MAF: variants seen among roughly 807,000 people sequenced by gnomAD.
MAF encodes MAF bZIP transcription factor, also known as transcription factor Maf.
In MAF, 10 loss-of-function variants were observed where a neutral mutation model predicts 22.0. The observed-to-expected ratio is 0.45, with a 90% confidence interval of 0.28 to 0.77. The LOEUF (loss-of-function observed/expected upper bound fraction) is 0.77. Ranked by LOEUF, MAF falls within the 30% of genes least tolerant of loss-of-function variation. The pLI is 0.12. For missense variants in MAF, 544 were observed against 548.4 expected, an observed-to-expected ratio of 0.99 and a Z score of 0.08; for synonymous variants, 337 against 255.8, an observed-to-expected ratio of 1.32 and a Z score of -3.03.
At chr16:79,257,164 G>A in the MAF span, among the ~76,000 whole-genome samples, 3 of 151,934 alleles carry the variant, frequency 2.0e-5, no homozygotes, top group African/African-American at 7.3e-5. Context: ...GTGACACAGC[G>A]AAATTCCACT....
At chr16:79,505,960 A>G in the MAF span, among the ~76,000 whole-genome samples, 1 of 152,092 alleles carries the variant, frequency 6.6e-6, no homozygotes. Flanking sequence ...AGAAAGAAAG[A>G]AAGAAAATAG....
chr16:79,507,778 T>C, the MAF span, among the ~76,000 whole-genome samples: 1 of 152,224 alleles, frequency 6.6e-6, no homozygotes, highest in Non-Finnish European at 1.5e-5. Flanking sequence ...AATGAACTGA[T>C]AAGCATGTAA....
At chr16:79,506,788 G>C in the MAF span, among the ~76,000 whole-genome samples, 2 of 152,208 alleles carry the variant, frequency 1.3e-5, no homozygotes, top group African/African-American at 4.8e-5. Flanking sequence ...CACTGAAGGA[G>C]TGAAGAAGAG....
the MAF span, among the ~76,000 whole-genome samples, chr16:79,351,916 C>G: frequency 4.6e-5 from 7 of 152,044 alleles, no homozygotes; most frequent in African/African-American, 1.7e-4. Context: ...GCAATGACAC[C>G]GAAAAAGCCA....
the MAF span, among the ~76,000 whole-genome samples, chr16:79,254,913 C>A: frequency 1.3e-5 from 2 of 152,214 alleles, no homozygotes; most frequent in African/African-American, 2.4e-5. Flanking sequence ...AGCCTAACTT[C>A]TTTGTTTTAA....
At chr16:79,513,258 C>T in the MAF span, among the ~76,000 whole-genome samples, 4 of 152,336 alleles carry the variant, frequency 2.6e-5, no homozygotes, top group African/African-American at 9.6e-5. Flanking sequence ...TCGCAGTAGA[C>T]GGAACAGGTT....
At chr16:79,561,525 T>C in the MAF span, among the ~76,000 whole-genome samples, 1 of 148,512 alleles carries the variant, frequency 6.7e-6, no homozygotes, top group Admixed American at 6.7e-5. Context: ...GCCCACGTGT[T>C]CTCATTGTTA....
chr16:79,571,807 T>G, the MAF span, among the ~76,000 whole-genome samples: 1 of 152,152 alleles, frequency 6.6e-6, no homozygotes. Flanking sequence ...CTGGAAATGC[T>G]TTTCAGCCAC....
the MAF span, among the ~76,000 whole-genome samples, chr16:79,549,165 A>T: frequency 2.6e-5 from 4 of 152,320 alleles, no homozygotes; most frequent in East Asian, 5.8e-4. Flanking sequence ...TCAAAGGATG[A>T]TGGTGACGAG....
chr16:79,459,069 C>T, the MAF span, among the ~76,000 whole-genome samples: 1 of 152,130 alleles, frequency 6.6e-6, no homozygotes, highest in Non-Finnish European at 1.5e-5. Flanking sequence ...TTCATGTATG[C>T]AATCTCATCT....
At chr16:79,433,384 T>C in the MAF span, among the ~76,000 whole-genome samples, 1 of 151,602 alleles carries the variant, frequency 6.6e-6, no homozygotes, top group Non-Finnish European at 1.5e-5. Context: ...CAATGAAAAC[T>C]ATATAACTGA....
the MAF span, among the ~76,000 whole-genome samples, chr16:79,319,220 C>T: frequency 6.6e-6 from 1 of 152,072 alleles, no homozygotes; most frequent in Non-Finnish European, 1.5e-5. Flanking sequence ...CTTCTATGTC[C>T]AGGTTGAAGC....
At chr16:79,338,974 C>T in the MAF span, among the ~76,000 whole-genome samples, 2 of 152,034 alleles carry the variant, frequency 1.3e-5, no homozygotes, top group African/African-American at 2.4e-5. Context: ...CCAGGGATGG[C>T]CATATGACTA....
the MAF span, among the ~76,000 whole-genome samples, chr16:79,426,878 G>A: frequency 6.6e-6 from 1 of 152,196 alleles, no homozygotes; most frequent in African/African-American, 2.4e-5. Context: ...CCACAATGAA[G>A]CTGACATAAA....
At chr16:79,455,343 T>C in the MAF span, among the ~76,000 whole-genome samples, 1 of 152,158 alleles carries the variant, frequency 6.6e-6, no homozygotes. Context: ...AAAACGATGC[T>C]CTTTGATTTA....
the MAF span, among the ~76,000 whole-genome samples, chr16:79,444,023 C>A: frequency 1.3e-5 from 2 of 151,952 alleles, no homozygotes; most frequent in African/African-American, 4.8e-5. Flanking sequence ...TACGTACACA[C>A]ACAAATATAT....
At position 79,593,991 on chromosome 16, in the gene MAF, G is replaced by C. The variant is rs1913345187; in HGVS notation, c.*469C>G. 2 of 216,070 alleles carry C rather than the reference G, an allele frequency of 9.3e-6. No homozygotes were observed. Among genetic ancestry groups the C allele is most frequent in the South Asian group, 1.5e-4 (1 of 6,806 alleles). The allele number at this position is 216,070 out of a possible 1,614,324, so 13.4% of individuals were successfully genotyped here. ...GGCTCCGCTGGAGCCTCTGCCCGTG[G>C]ATTTGTTTAGGGAAGGGGAGTCGAA... is the stretch of plus-strand genomic sequence containing the variant. On this transcript the variant is annotated 3_prime_UTR_variant, in exon 2 of 2. Transcript: ENST00000326043.
At chr16:79,432,718 C>T in the MAF span, among the ~76,000 whole-genome samples, 2 of 152,180 alleles carry the variant, frequency 1.3e-5, no homozygotes, top group South Asian at 2.1e-4. Context: ...ATGATGTCCT[C>T]ATAAAAAGTG....
chr16:79,230,782 A>G, the MAF span, among the ~76,000 whole-genome samples: 1 of 152,092 alleles, frequency 6.6e-6, no homozygotes, highest in Admixed American at 6.6e-5. Flanking sequence ...CCTGAACAAA[A>G]TGTACTTATT....
Sources: gnomAD v4.1 joint callset for allele counts (sites outside exome capture counted in the v4.1 genomes callset) on GRCh38, gnomAD v4.1.1 for gene constraint, MANE v1.5 for transcripts, NCBI Gene and HGNC (gene_info 2026-07-23, HGNC 2026-07-21) for gene names.